The following SCN1A variants were observed in gnomAD, a reference collection of about 807,000 sequenced individuals.
SCN1A encodes sodium voltage-gated channel alpha subunit 1.
A neutral mutation model predicts 193.7 loss-of-function variants in SCN1A; 13 were observed. The ratio of observed to expected loss-of-function variants is 0.07; its 90% CI spans 0.04 to 0.11. The LOEUF (loss-of-function observed/expected upper bound fraction) is 0.11. Among genes scored for constraint, SCN1A ranks in the 10% least tolerant of loss-of-function variants. The pLI is 1.00. For synonymous variants in SCN1A, 781 were observed against 843.6 expected (o/e 0.93, Z 1.29); for missense variants, 1,432 against 2,451.1 (o/e 0.58, Z 8.78).
intron 2 of SCN1A, among the ~76,000 whole-genome samples, chr2:166,112,199 T>A (rs894896451): frequency 6.6e-6 from 1 of 152,108 alleles, no homozygotes; most frequent in African/African-American, 2.4e-5. Context: ...CGTGGCAAAC[T>A]TCATTGTTGT....
At position 165,986,850 on chromosome 2, in the gene SCN1A, C is replaced by G; in HGVS notation, c.*4395G>C. The G allele has an allele frequency of 6.6e-6, 1 of 152,000 alleles. No homozygotes were observed. Among genetic ancestry groups the G allele is most frequent in the Non-Finnish European group, 1.5e-5 (1 of 67,978 alleles). 9.4% of individuals were successfully genotyped at this position (152,000 alleles called of 1,614,324 possible). ...GCTGCAGACATTGTTGCATTCACCC[C>G]TAAATACTTTAGCATGCATTTTCAG... On this transcript the variant is annotated 3_prime_UTR_variant, in exon 29 of 29. Coordinates refer to ENST00000674923, the MANE Select transcript of SCN1A (RefSeq NM_001165963.4).
At chr2:166,015,454 CTT>C (rs1693144155) in intron 20 of SCN1A, among the ~76,000 whole-genome samples, 151 bp downstream of exon 20, 1 of 151,870 alleles carries the variant, frequency 6.6e-6, no homozygotes, top group African/African-American at 2.4e-5. Context: ...TGACACTAGA[CTT>C]TAAGTTTTTT....
At chr2:166,006,556 TC>T (rs1422119257) in intron 23 of SCN1A, among the ~76,000 whole-genome samples, 1 of 151,472 alleles carries the variant, frequency 6.6e-6, no homozygotes, top group African/African-American at 2.4e-5. Flanking sequence ...AGGTATGTAT[TC>T]TATTCTGCAT....
chr2:166,126,818 C>T (rs1257819345), intron 2 of SCN1A, 106 bp downstream of exon 2: 1 of 152,154 alleles, frequency 6.6e-6, no homozygotes, highest in East Asian at 1.9e-4. Flanking sequence ...AAGCACATAC[C>T]CACCACTCCA....
intron 6 of SCN1A, 81 bp downstream of exon 6, chr2:166,056,330 G>A: frequency 1.1e-6 from 1 of 927,762 alleles, no homozygotes; most frequent in Non-Finnish European, 1.8e-6. Context: ...ATGCTCTTCA[G>A]TTTTATTTTA....
At chr2:166,107,816 A>G (rs965267240) in intron 2 of SCN1A, among the ~76,000 whole-genome samples, 1 of 152,200 alleles carries the variant, frequency 6.6e-6, no homozygotes, top group Non-Finnish European at 1.5e-5. Flanking sequence ...TTCAAAATTA[A>G]TCATAAATTT....
At position 166,035,940 on chromosome 2, in the gene SCN1A, A is replaced by T. The variant is rs538930553; in HGVS notation, c.3429+108T>A. 12,270 of 1,219,330 alleles carry T rather than the reference A, an allele frequency of 0.01. 1,004 individuals carry two copies. The African/African-American group carries it at 0.16, about 16-fold the overall frequency. 75.5% of individuals were successfully genotyped at this position (1,219,330 alleles called of 1,614,324 possible). A position where few individuals can be genotyped will look rare whatever the true frequency, so the allele number is the denominator to read the frequency against. On this transcript the variant is annotated intron_variant, in intron 19 of 28. Coordinates refer to ENST00000674923, the MANE Select transcript of SCN1A (RefSeq NM_001165963.4). ...CTTTTGTATTATCATAAAGTAAAAA[A>T]AAAAAAAAATCTTAAGTCAAAACAT...
chr2:166,045,330 A>G lies in SCN1A; in HGVS notation c.1378-3T>C, dbSNP rs150964803. ...GAGGCAGTTGCCGTTGCTGCCTGCT[A>G]TATTGAAGAGAAATGATTTTAACAT... On this transcript the variant is annotated splice_polypyrimidine_tract_variant and splice_region_variant and intron_variant, in intron 12 of 28. Transcript: ENST00000674923. 482 of 1,614,018 alleles carry G rather than the reference A, an allele frequency of 3.0e-4. No homozygotes were observed. The highest frequency in any genetic ancestry group is 9.8e-4 in the Admixed American group (59 of 60,006).
rs773560347 is a variant in SCN1A, at chr2:165,992,179, A to C, written c.5096T>G (p.Val1699Gly). The change falls in exon 29 of 29, where the codon GTT (valine) becomes GGT (glycine). Residue 1699 changes from valine (V) to glycine (G), a missense_variant. Val to Gly is a moderately radical substitution (Grantham distance 109). Coordinates refer to ENST00000674923, the MANE Select transcript of SCN1A (RefSeq NM_001165963.4). This position sits in a 1 kb window ranked among gnomAD's most constrained non-coding sequence, Gnocchi z 6.5. ...AAAGTTGAACATGTCATCGATCCCA[A>C]CTTCCCTCTTAACATAGGCAAAGTT... ...MSNFAYVKRE[V>G]GIDDMFNFET... The C allele has an allele frequency of 1.2e-6, 2 of 1,613,848 alleles. No homozygotes were observed. The highest frequency in any genetic ancestry group is 2.2e-5 in the South Asian group (2 of 91,078).
At chr2:166,115,412 T>A (rs1335378614) in intron 2 of SCN1A, among the ~76,000 whole-genome samples, 1 of 152,022 alleles carries the variant, frequency 6.6e-6, no homozygotes. Context: ...GGAGAAGTAA[T>A]CAAATTTCTC....
At chr2:166,035,587 T>C (rs943870616) in intron 19 of SCN1A, among the ~76,000 whole-genome samples, 3 of 152,192 alleles carry the variant, frequency 2.0e-5, no homozygotes, top group Non-Finnish European at 4.4e-5. Flanking sequence ...ACATCAAAAC[T>C]TACTTAATAC....
In SCN1A at chr2:166,113,289, C is replaced by CT. The variant is rs563484626; in HGVS notation, c.-142+13634dup. On this transcript the variant is annotated intron_variant, in intron 2 of 28. Coordinates refer to ENST00000674923, the MANE Select transcript of SCN1A (RefSeq NM_001165963.4). The stretch of plus-strand genomic sequence containing the variant: ...GTGTGGTTAAAACAGTAGTACTTGG[C>CT]TTTTTTTTAAATTTAGAATCTAAGT... Among the ~76,000 whole-genome samples the CT allele has an allele frequency of 2.0e-4, 30 of 151,828 alleles. 1 individual carries two copies. The highest frequency in any genetic ancestry group is 1.6e-3 in the Admixed American group (25 of 15,230).
At chr2:166,128,086 C>T (rs1233758553), upstream of SCN1A, 2 of 147,982 alleles carry the variant, frequency 1.4e-5, no homozygotes, top group Admixed American at 1.4e-4. Flanking sequence ...CAGCACCTTA[C>T]ATTACATCGC....
chr2:166,070,698 A>G (rs1684324809), intron 4 of SCN1A, among the ~76,000 whole-genome samples: 2 of 152,154 alleles, frequency 1.3e-5, no homozygotes, highest in Admixed American at 1.3e-4. Context: ...TAAACCAATT[A>G]TGGACCATTT....
intron 16 of SCN1A, 78 bp from the exon 17 acceptor site, chr2:166,039,674 G>T: frequency 1.6e-6 from 2 of 1,254,334 alleles, no homozygotes; most frequent in Non-Finnish European, 2.3e-6. Flanking sequence ...AGAACATAAT[G>T]CTTATGCTAT....
At chr2:166,063,903 G>A (rs768186132) in intron 4 of SCN1A, among the ~76,000 whole-genome samples, 10 of 151,948 alleles carry the variant, frequency 6.6e-5, no homozygotes, top group Non-Finnish European at 1.5e-4. Context: ...GCTACACAAG[G>A]CTAATTAATC....
At chr2:166,090,320 T>G (rs1317949441) in intron 2 of SCN1A, among the ~76,000 whole-genome samples, 1 of 152,054 alleles carries the variant, frequency 6.6e-6, no homozygotes, top group East Asian at 1.9e-4. Flanking sequence ...CATGAGCCAT[T>G]GTATCCAGCA....
chr2:165,997,951 C>T (rs1485950324), intron 26 of SCN1A, 87 bp downstream of exon 26: 2 of 1,081,126 alleles, frequency 1.8e-6, no homozygotes, highest in Non-Finnish European at 2.8e-6. Context: ...CATTTTGTTT[C>T]TAAATTCAAG....
At position 166,060,227 on chromosome 2, in the gene SCN1A, A is replaced by G. The variant is rs1408120239; in HGVS notation, c.265-1539T>C. The G allele has an allele frequency of 3.3e-5, 5 of 152,346 alleles. No homozygotes were observed. The East Asian group carries it at 9.7e-4, about 29-fold the overall frequency. The allele number at this position is 152,346 out of a possible 1,614,324, so 9.4% of individuals were successfully genotyped here. A position where few individuals can be genotyped will look rare whatever the true frequency, so the allele number is the denominator to read the frequency against. On this transcript the variant is annotated intron_variant, in intron 4 of 28. Coordinates refer to ENST00000674923, the MANE Select transcript of SCN1A (RefSeq NM_001165963.4). ...ATCATCTTTGAAGGAGTATGAGTCC[A>G]GAAAACAGATAGAGCTTTACCACAA...
Sources: allele counts gnomAD v4.1 joint callset (sites outside exome capture counted in the v4.1 genomes callset), GRCh38; gene constraint gnomAD v4.1.1; non-coding constraint Gnocchi (gnomAD v3.1); transcripts MANE v1.5; gene names NCBI Gene and HGNC (gene_info 2026-07-23, HGNC 2026-07-21).